SUSD4: variants seen among roughly 807,000 people sequenced by gnomAD.
The protein encoded by SUSD4 is sushi domain-containing protein 4.
Under a neutral mutation model 50.5 loss-of-function variants are expected in SUSD4, and 41 were observed. The ratio of observed to expected loss-of-function variants is 0.81; its 90% CI spans 0.63 to 1.05. The LOEUF is 1.05. Ranked by LOEUF, SUSD4 falls within the 50% of genes least tolerant of loss-of-function variation. SUSD4 has a pLI of 0.00. For missense variants in SUSD4, 580 were observed against 634.7 expected, an observed-to-expected ratio of 0.91 and a Z score of 0.93; for synonymous variants, 257 against 257.3, an observed-to-expected ratio of 1.00 and a Z score of 0.01.
rs1662303846 is a variant in SUSD4, at chr1:223,264,001, A to C, written c.724+629T>G. ...TCTGAGTTAAAGCAAGAGCTGAACC[A>C]GCATGTCCAACTTGCCTAGCAGAAG... On this transcript the variant is annotated intron_variant, in intron 5 of 8. Coordinates refer to ENST00000366878, the MANE Select transcript of SUSD4 (RefSeq NM_017982.4). 7.1e-6 allele frequency: 7 copies of C among 985,472 alleles called. No homozygotes were observed. The South Asian group carries it at 3.3e-4, about 46-fold the overall frequency. 61.0% of individuals were successfully genotyped at this position (985,472 alleles called of 1,614,324 possible).
chr1:223,315,666 T>G (rs2103226563), intron 2 of SUSD4, among the ~76,000 whole-genome samples: 1 of 152,326 alleles, frequency 6.6e-6, no homozygotes, highest in African/African-American at 2.4e-5. Flanking sequence ...GTTTTGTCTA[T>G]GCAGGGAGAA....
intron 2 of SUSD4, among the ~76,000 whole-genome samples, chr1:223,293,591 T>G (rs1664635039): frequency 6.6e-6 from 1 of 151,598 alleles, no homozygotes; most frequent in African/African-American, 2.4e-5. Flanking sequence ...CAAGCAAGGG[T>G]GTGGGTAAGG....
intron 5 of SUSD4, among the ~76,000 whole-genome samples, chr1:223,247,908 G>A (rs1225263659): frequency 6.6e-6 from 1 of 152,182 alleles, no homozygotes; most frequent in Non-Finnish European, 1.5e-5. Context: ...ATTCAGTGGA[G>A]CCAGTATGCA....
intron 2 of SUSD4, among the ~76,000 whole-genome samples, chr1:223,361,420 G>C (rs1668970683): frequency 6.6e-6 from 1 of 152,094 alleles, no homozygotes; most frequent in Admixed American, 6.6e-5. Context: ...AGACTGACAG[G>C]TGACAGGCAA....
chr1:223,235,307 C>T (rs1660146021), intron 5 of SUSD4, among the ~76,000 whole-genome samples: 1 of 152,188 alleles, frequency 6.6e-6, no homozygotes, highest in Non-Finnish European at 1.5e-5. Flanking sequence ...CCATTATTCA[C>T]ATCCCCACCA....
intron 2 of SUSD4, among the ~76,000 whole-genome samples, chr1:223,339,093 G>A (rs147334164): frequency 6.6e-6 from 1 of 152,278 alleles, no homozygotes; most frequent in Non-Finnish European, 1.5e-5. Flanking sequence ...AAAAGCAGAA[G>A]GGAGTAATAT....
chr1:223,250,910 G>A (rs772298970), intron 5 of SUSD4, among the ~76,000 whole-genome samples: 3 of 152,166 alleles, frequency 2.0e-5, no homozygotes, highest in Non-Finnish European at 4.4e-5. Context: ...TTAAACCTGG[G>A]AGCAAGAGCT....
At chr1:223,347,551 C>T (rs1284001362) in intron 2 of SUSD4, among the ~76,000 whole-genome samples, 9 of 141,472 alleles carry the variant, frequency 6.4e-5, no homozygotes, top group African/African-American at 2.4e-4. Flanking sequence ...AAATAAATCC[C>T]AGCCCCTACA....
chr1:223,307,121 A>G (rs932002584), intron 2 of SUSD4, among the ~76,000 whole-genome samples: 9 of 152,184 alleles, frequency 5.9e-5, no homozygotes, highest in African/African-American at 2.2e-4. Context: ...TTGGCCTCCC[A>G]AAGTGCTGGG....
At chr1:223,312,421 T>C (rs917564644) in intron 2 of SUSD4, among the ~76,000 whole-genome samples, 1 of 152,072 alleles carries the variant, frequency 6.6e-6, no homozygotes, top group Non-Finnish European at 1.5e-5. Flanking sequence ...GACTGGCTGG[T>C]GCTGGGGAAA....
intron 2 of SUSD4, among the ~76,000 whole-genome samples, chr1:223,355,923 C>T (rs779047901): frequency 5.9e-5 from 9 of 152,136 alleles, no homozygotes; most frequent in Non-Finnish European, 8.8e-5. Flanking sequence ...CTCTTGGGTA[C>T]ACATATAGGG....
Position 223,221,391 on chromosome 1 carries a change from A to T in SUSD4, c.*801T>A. ...CCTTGGTTACTGTCTCCATCATGAG[A>T]TGTATTTGAACACATTCTGACCATG... On this transcript the variant is annotated 3_prime_UTR_variant, in exon 9 of 9. Coordinates refer to ENST00000366878, the MANE Select transcript of SUSD4 (RefSeq NM_017982.4). 3.3e-6 allele frequency: 1 copy of T among 298,960 alleles called. No individual in the cohort carries two copies. 18.5% of individuals were successfully genotyped at this position (298,960 alleles called of 1,614,324 possible).
chr1:223,234,879 T>A, intron 5 of SUSD4: 1 of 1,494,220 alleles, frequency 6.7e-7, no homozygotes, highest in Non-Finnish European at 8.9e-7. Context: ...GGTGTGCAGA[T>A]CATGGTGAAA....
intron 2 of SUSD4, among the ~76,000 whole-genome samples, chr1:223,304,794 A>T (rs1665420204): frequency 0.015 from 1 of 66 alleles, no homozygotes; most frequent in African/African-American, 0.083. Flanking sequence ...TCAGGTTTCC[A>T]TATATATATA....
intron 2 of SUSD4, among the ~76,000 whole-genome samples, chr1:223,312,708 A>T (rs893247511): frequency 6.6e-6 from 1 of 152,202 alleles, no homozygotes; most frequent in African/African-American, 2.4e-5. Context: ...ATTTGACTGC[A>T]ATCACAGAGG....
chr1:223,364,914 G>A (rs1669234057), upstream of SUSD4, among the ~76,000 whole-genome samples: 1 of 152,156 alleles, frequency 6.6e-6, no homozygotes, highest in Non-Finnish European at 1.5e-5. The surrounding 1 kb of genome is among the most constrained non-coding windows in gnomAD (Gnocchi z 4.5). Flanking sequence ...AGGCGGCTGA[G>A]AGACACTCTC....
intron 2 of SUSD4, among the ~76,000 whole-genome samples, chr1:223,311,337 TTCTC>T (rs1558238554): frequency 6.6e-6 from 1 of 152,218 alleles, no homozygotes; most frequent in East Asian, 1.9e-4. Flanking sequence ...ACAAATATCT[TTCTC>T]TCTGGTTTTA....
intron 2 of SUSD4, among the ~76,000 whole-genome samples, chr1:223,353,547 G>A (rs546065447): frequency 7.9e-5 from 12 of 152,306 alleles, no homozygotes; most frequent in African/African-American, 1.4e-4. Context: ...AGAGGTGACA[G>A]AGCTGGTCAC....
intron 3 of SUSD4, among the ~76,000 whole-genome samples, chr1:223,273,880 C>T (rs996678786): frequency 1.3e-5 from 2 of 152,206 alleles, no homozygotes; most frequent in African/African-American, 4.8e-5. Context: ...CACCTCTTCC[C>T]TTGGCTGATT....
Sources: gnomAD v4.1 joint callset for allele counts (sites outside exome capture counted in the v4.1 genomes callset) on GRCh38, gnomAD v4.1.1 for gene constraint, Gnocchi (gnomAD v3.1) non-coding constraint, MANE v1.5 for transcripts, NCBI Gene and HGNC (gene_info 2026-07-23, HGNC 2026-07-21) for gene names.